The following SYT17 variants were observed in gnomAD, a reference collection of about 807,000 sequenced individuals.
The protein encoded by SYT17 is synaptotagmin-17.
Under a neutral mutation model 46.7 loss-of-function variants are expected in SYT17, and 22 were observed. The observed-to-expected ratio is 0.47, with a 90% CI of 0.34 to 0.67. The LOEUF (loss-of-function observed/expected upper bound fraction) is 0.67. SYT17 is among the 30% of genes least tolerant of loss of function. The pLI is 0.01. For missense variants in SYT17, 519 were observed against 612.8 expected (o/e 0.85, Z 1.62); for synonymous variants, 251 against 248.4 (o/e 1.01, Z -0.10).
chr16:19,173,108 C>T (rs1596882424), intron 2 of SYT17: 1 of 549,160 alleles, frequency 1.8e-6, no homozygotes, highest in African/African-American at 1.9e-5. Flanking sequence ...ATCGTATAGC[C>T]CTTATGATGT....
At chr16:19,227,084 G>A (rs988330439) in intron 7 of SYT17, among the ~76,000 whole-genome samples, 1 of 152,098 alleles carries the variant, frequency 6.6e-6, no homozygotes, top group Non-Finnish European at 1.5e-5. Flanking sequence ...GTAAAATGGG[G>A]ATAACAATAC....
At chr16:19,255,695 G>A (rs892025176) in intron 7 of SYT17, among the ~76,000 whole-genome samples, 1 of 152,130 alleles carries the variant, frequency 6.6e-6, no homozygotes, top group African/African-American at 2.4e-5. Flanking sequence ...TGAGCCAGGA[G>A]GATCACTTGA....
intron 7 of SYT17, among the ~76,000 whole-genome samples, chr16:19,226,178 C>A (rs1056775297): frequency 6.6e-6 from 1 of 152,164 alleles, no homozygotes; most frequent in African/African-American, 2.4e-5. Flanking sequence ...ACCTAAACAA[C>A]CTACACAAAG....
intron 5 of SYT17, among the ~76,000 whole-genome samples, chr16:19,200,362 A>G (rs1485385885): frequency 6.6e-6 from 1 of 152,278 alleles, no homozygotes; most frequent in African/African-American, 2.4e-5. Context: ...GGAACCCGAT[A>G]CATCCAAAGT....
chr16:19,255,287 AG>A (rs1383037294), intron 7 of SYT17, among the ~76,000 whole-genome samples: 1 of 152,156 alleles, frequency 6.6e-6, no homozygotes, highest in African/African-American at 2.4e-5. Context: ...CCCTTAAGGC[AG>A]AGGTTTTCTA....
intron 5 of SYT17, among the ~76,000 whole-genome samples, chr16:19,203,879 T>C (rs969748766): frequency 1.3e-5 from 2 of 152,238 alleles, no homozygotes; most frequent in African/African-American, 4.8e-5. Context: ...TCTGGAATGT[T>C]CTGTTTACCT....
intron 5 of SYT17, among the ~76,000 whole-genome samples, chr16:19,211,734 C>T (rs1304866087): frequency 1.3e-5 from 2 of 151,946 alleles, no homozygotes; most frequent in Non-Finnish European, 2.9e-5. Context: ...CACGGCATTC[C>T]CCTGCCTCAG....
chr16:19,247,164 G>T (rs1421664410), intron 7 of SYT17, among the ~76,000 whole-genome samples: 1 of 152,186 alleles, frequency 6.6e-6, no homozygotes, highest in Middle Eastern at 3.2e-3. Flanking sequence ...AGTGATTGAG[G>T]TGGAGAAGTA....
At chr16:19,212,860 G>A (rs749942126) in intron 5 of SYT17, among the ~76,000 whole-genome samples, 7 of 152,216 alleles carry the variant, frequency 4.6e-5, no homozygotes, top group African/African-American at 7.2e-5. Flanking sequence ...GTGCTTGGAT[G>A]TCCACTTTGC....
intron 5 of SYT17, among the ~76,000 whole-genome samples, chr16:19,194,968 C>A (rs1244343813): frequency 6.6e-6 from 1 of 152,194 alleles, no homozygotes; most frequent in Admixed American, 6.5e-5. Context: ...CTGAATTGAA[C>A]AAATATTGTG....
intron 4 of SYT17, among the ~76,000 whole-genome samples, chr16:19,181,584 C>T (rs1488088838): frequency 6.6e-6 from 1 of 152,116 alleles, no homozygotes; most frequent in Non-Finnish European, 1.5e-5. Flanking sequence ...TAGAGCTGCG[C>T]TGTCTGGTAT....
intron 5 of SYT17, among the ~76,000 whole-genome samples, chr16:19,208,884 CTTTTTTTTT>C (rs1191498524): frequency 2.4e-4 from 15 of 63,312 alleles, no homozygotes; most frequent in South Asian, 7.1e-4. Flanking sequence ...CAAGGACCTT[CTTTTTTTTT>C]TTTTTTTTTT....
At chr16:19,235,294 A>G (rs1014513781) in intron 7 of SYT17, among the ~76,000 whole-genome samples, 1 of 152,172 alleles carries the variant, frequency 6.6e-6, no homozygotes, top group African/African-American at 2.4e-5. Flanking sequence ...ACTGAAAACC[A>G]AACTATAGGG....
intron 5 of SYT17, among the ~76,000 whole-genome samples, chr16:19,185,324 C>T (rs1243690244): frequency 5.3e-5 from 8 of 152,328 alleles, no homozygotes; most frequent in African/African-American, 1.7e-4. Flanking sequence ...CAGTGGCTTA[C>T]GCCTGTAATC....
intron 5 of SYT17, among the ~76,000 whole-genome samples, chr16:19,188,416 C>A (rs879822946): frequency 3.5e-5 from 5 of 141,728 alleles, no homozygotes; most frequent in Non-Finnish European, 6.0e-5. Context: ...ATGAAATAAT[C>A]TATACAACAA....
At position 19,223,062 on chromosome 16, in the gene SYT17, G is replaced by A; in HGVS notation, c.969G>A (p.Gly323=). ...IPSSQNEVEL[G]ELLLSLNYLP... The stretch of plus-strand genomic sequence containing the variant: ...CTCTACAGAATGAAGTGGAGCTGGG[G>A]GAGCTGCTTCTGTCACTGAATTATC... Residue 323 remains glycine (G), a synonymous_variant, in exon 6 of 8, where the codon GGG becomes GGA. Coordinates refer to ENST00000355377, the MANE Select transcript of SYT17 (RefSeq NM_016524.4). 6.2e-7 allele frequency: 1 copy of A among 1,614,006 alleles called. No individual in the cohort carries two copies. Among genetic ancestry groups the A allele is most frequent in the Non-Finnish European group, 8.5e-7 (1 of 1,179,934 alleles).
chr16:19,194,679 C>T (rs1965163313), intron 5 of SYT17, among the ~76,000 whole-genome samples: 1 of 152,216 alleles, frequency 6.6e-6, no homozygotes, highest in Admixed American at 6.5e-5. Context: ...ACTGCAGCCT[C>T]AAACTCCTGG....
intron 4 of SYT17, 91 bp downstream of exon 4, chr16:19,180,630 G>T: frequency 6.7e-7 from 1 of 1,502,056 alleles, no homozygotes; most frequent in Non-Finnish European, 9.1e-7. Flanking sequence ...TGTTATTGCT[G>T]GGGGAGGGCG....
intron 7 of SYT17, among the ~76,000 whole-genome samples, chr16:19,263,659 GAAA>G (rs1237790342): frequency 2.3e-5 from 3 of 128,682 alleles, no homozygotes; most frequent in Admixed American, 7.6e-5. Context: ...AAAAAAAAAA[GAAA>G]AGAAAAAAAA....
Sources: gnomAD v4.1 joint callset for allele counts (sites outside exome capture counted in the v4.1 genomes callset) on GRCh38, gnomAD v4.1.1 for gene constraint, MANE v1.5 for transcripts, NCBI Gene and HGNC (gene_info 2026-07-23, HGNC 2026-07-21) for gene names.